The following ZNF701 variants were observed in gnomAD, a reference collection of about 807,000 sequenced individuals.
The protein encoded by ZNF701 is zinc finger protein 701.
Under a neutral mutation model 7.1 loss-of-function variants are expected in ZNF701, and 6 were observed. The ratio of observed to expected loss-of-function variants is 0.84; its 90% CI spans 0.46 to 1.66. The LOEUF (loss-of-function observed/expected upper bound fraction) is 1.66, where lower values mean the gene tolerates loss of function less well. ZNF701 is among the 40% of genes most tolerant of loss of function. The probability of loss-of-function intolerance (pLI) is 0.01; values close to 1 mark genes in which losing one functional copy is unlikely to be tolerated. For synonymous variants in ZNF701, 166 were observed against 188.2 expected (o/e 0.88, Z 0.97); for missense variants, 541 against 559.2 (o/e 0.97, Z 0.33).
At chr19:52,571,168 G>A (rs1251769062) in intron 1 of ZNF701, among the ~76,000 whole-genome samples, 2 of 151,888 alleles carry the variant, frequency 1.3e-5, no homozygotes, top group Non-Finnish European at 2.9e-5. Flanking sequence ...AAAGCTAGAT[G>A]TACAGAGAGA....
At position 52,582,200 on chromosome 19, in the gene ZNF701, A is replaced by G. The variant is rs779483810; in HGVS notation, c.143-2A>G. ...AAACCTATTTGTGTTTATATTTTGT[A>G]GATACCTCTTCCAAATGCATGATGA... On this transcript the variant is annotated splice_acceptor_variant, in intron 3 of 3. Coordinates refer to ENST00000391785, the MANE Select transcript of ZNF701 (RefSeq NM_018260.3). LOFTEE classifies it high-confidence loss of function. 12 of 1,570,942 alleles carry G rather than the reference A, an allele frequency of 7.6e-6. No individual in the cohort carries two copies. The highest frequency in any genetic ancestry group is 1.4e-5 in the African/African-American group (1 of 73,452).
the ZNF701 span, chr19:52,596,856 A>G: frequency 5.5e-6 from 3 of 549,256 alleles, no homozygotes; most frequent in East Asian, 1.5e-4. Context: ...CATACTGTCT[A>G]AGGTTTCTAA....
At chr19:52,576,156 G>A (rs187562451) in intron 3 of ZNF701, 135 bp downstream of exon 3, 32 of 1,548,838 alleles carry the variant, frequency 2.1e-5, no homozygotes, top group Middle Eastern at 1.8e-4. Flanking sequence ...AAAGCTTCAT[G>A]ATGTAGCATC....
At position 52,583,549 on chromosome 19, in the gene ZNF701, A is replaced by G; in HGVS notation, c.*92A>G. ...GAGAGAAACCTTACAAATGTGAAGAATGTGACAAAAGTTTTCAATTTCAAA... is the reference window on the plus strand; with the variant it reads ...GAGAGAAACCTTACAAATGTGAAGAGTGTGACAAAAGTTTTCAATTTCAAA... On this transcript the variant is annotated 3_prime_UTR_variant, in exon 4 of 4. Coordinates refer to ENST00000391785, the MANE Select transcript of ZNF701 (RefSeq NM_018260.3). 1 of 1,585,948 alleles carries G rather than the reference A, an allele frequency of 6.3e-7. No individual in the cohort carries two copies. The highest frequency in any genetic ancestry group is 8.6e-7 in the Non-Finnish European group (1 of 1,156,136).
At chr19:52,588,498 AG>A (rs1253665469), downstream of ZNF701, 14 of 265,686 alleles carry the variant, frequency 5.3e-5, no homozygotes, top group Admixed American at 1.3e-4. Flanking sequence ...AAAAAAAAAA[AG>A]AAAAATTAAA....
chr19:52,574,310 CACTT>C, intron 2 of ZNF701, 148 bp downstream of exon 2: 1 of 1,381,058 alleles, frequency 7.2e-7, no homozygotes, highest in Middle Eastern at 1.8e-4. Context: ...CCTGTCATCT[CACTT>C]AGATTCCATC....
chr19:52,583,740 C>T lies in ZNF701; in HGVS notation c.*283C>T. On this transcript the variant is annotated 3_prime_UTR_variant, in exon 4 of 4. Transcript: ENST00000391785. Reference sequence around the variant, plus strand: ...TGAGTGTGGCAGAGCCTTTGGTGGTCAGTCAACACTTACTCACCATCAAGC... The same window carrying T: ...TGAGTGTGGCAGAGCCTTTGGTGGTTAGTCAACACTTACTCACCATCAAGC... The T allele has an allele frequency of 1.4e-6, 1 of 707,468 alleles. No individual in the cohort carries two copies. Among genetic ancestry groups the T allele is most frequent in the Non-Finnish European group, 2.5e-6 (1 of 393,932 alleles). 43.8% of individuals were successfully genotyped at this position (707,468 alleles called of 1,614,324 possible).
the ZNF701 span, among the ~76,000 whole-genome samples, chr19:52,593,583 C>T: frequency 9.7e-5 from 11 of 113,570 alleles, 4 homozygotes; most frequent in East Asian, 2.3e-4. Context: ...CGGGAGGAGA[C>T]GCTCCTCACT....
At chr19:52,574,445 C>T (rs1568500786) in intron 2 of ZNF701, among the ~76,000 whole-genome samples, 1 of 152,116 alleles carries the variant, frequency 6.6e-6, no homozygotes, top group South Asian at 2.1e-4. Flanking sequence ...TGCTGTTGGG[C>T]AGCAGGGATT....
intron 3 of ZNF701, among the ~76,000 whole-genome samples, chr19:52,577,156 G>A (rs1201947910): frequency 6.6e-6 from 1 of 152,176 alleles, no homozygotes; most frequent in East Asian, 1.9e-4. Flanking sequence ...CTACAGTGCA[G>A]TGATACGATC....
chr19:52,579,756 C>T (rs1439260750), intron 3 of ZNF701, among the ~76,000 whole-genome samples: 6 of 138,454 alleles, frequency 4.3e-5, no homozygotes, highest in Non-Finnish European at 8.9e-5. Context: ...TGGCAGTAAT[C>T]CCAGCTACTC....
chr19:52,577,438 A>G (rs540890270), intron 3 of ZNF701, among the ~76,000 whole-genome samples: 83 of 152,348 alleles, frequency 5.4e-4, no homozygotes, highest in African/African-American at 1.9e-3. Context: ...TAAAGAAAAT[A>G]GTTACAATAA....
chr19:52,587,687 G>A (rs560127369), downstream of ZNF701, among the ~76,000 whole-genome samples: 7 of 152,336 alleles, frequency 4.6e-5, no homozygotes, highest in Admixed American at 2.0e-4. Context: ...ATCAGAAGGT[G>A]GGGCTGTGCT....
At chr19:52,576,833 A>C (rs925882070) in intron 3 of ZNF701, among the ~76,000 whole-genome samples, 8 of 152,186 alleles carry the variant, frequency 5.3e-5, no homozygotes, top group African/African-American at 1.9e-4. Flanking sequence ...TCATGCTGAT[A>C]TGTTATCTCC....
At chr19:52,589,478 C>CTTT (rs11414668), downstream of ZNF701, among the ~76,000 whole-genome samples, 82 of 138,782 alleles carry the variant, frequency 5.9e-4, 1 homozygote, top group Middle Eastern at 3.8e-3. Flanking sequence ...CACATGCCTG[C>CTTT]TTTTTTTTTT....
Position 52,583,256 on chromosome 19 carries a change from G to A in ZNF701, c.1197G>A (p.Met399Ile), listed in dbSNP as rs770584486. ...KTFVQNSSLV[M>I]HKVIHTGEKR... Reference sequence around the variant, plus strand: ...TTGTTCAAAATTCATCTCTTGTAATGCATAAGGTCATTCATACTGGAGAGA... The same window carrying A: ...TTGTTCAAAATTCATCTCTTGTAATACATAAGGTCATTCATACTGGAGAGA... Residue 399 changes from methionine (M) to isoleucine (I), a missense_variant, in exon 4 of 4, where the codon ATG (methionine) becomes ATA (isoleucine). Physicochemically the swap from Met to Ile is conservative, Grantham distance 10. Coordinates refer to ENST00000391785, the MANE Select transcript of ZNF701 (RefSeq NM_018260.3). The A allele has an allele frequency of 1.9e-6, 3 of 1,608,920 alleles. No individual in the cohort carries two copies. The highest frequency in any genetic ancestry group is 2.5e-6 in the Non-Finnish European group (3 of 1,176,780).
intron 2 of ZNF701, among the ~76,000 whole-genome samples, chr19:52,574,657 A>G (rs1229333476): frequency 1.3e-5 from 2 of 152,224 alleles, no homozygotes; most frequent in Non-Finnish European, 2.9e-5. Flanking sequence ...GACTCAAAAA[A>G]TTGTACTAAT....
At chr19:52,572,069 C>T (rs1266102010) in intron 1 of ZNF701, among the ~76,000 whole-genome samples, 2 of 150,408 alleles carry the variant, frequency 1.3e-5, no homozygotes, top group East Asian at 4.0e-4. Context: ...GTGATCTGCC[C>T]ACCTCGGCTT....
chr19:52,583,487 C>G lies in ZNF701; in HGVS notation c.*30C>G, dbSNP rs1000538513. ...GTAAATTTGCAAGGTTTTTAGGCAA[C>G]AGTCAAACCTTGCATGTCATCATAG... On this transcript the variant is annotated 3_prime_UTR_variant, in exon 4 of 4. Transcript: ENST00000391785. 6.8e-6 allele frequency: 11 copies of G among 1,607,412 alleles called. No individual in the cohort carries two copies. The highest frequency in any genetic ancestry group is 9.4e-6 in the Non-Finnish European group (11 of 1,175,948).
Sources: allele counts gnomAD v4.1 joint callset (sites outside exome capture counted in the v4.1 genomes callset), GRCh38; gene constraint gnomAD v4.1.1; transcripts MANE v1.5; gene names NCBI Gene and HGNC (gene_info 2026-07-23, HGNC 2026-07-21).